The following DNAJC22 variants were observed in gnomAD, a reference collection of about 807,000 sequenced individuals.
DNAJC22 encodes dnaJ homolog subfamily C member 22.
Under a neutral mutation model 22.2 loss-of-function variants are expected in DNAJC22, and 24 were observed. That is an observed-to-expected ratio of 1.08 (90% CI 0.78 to 1.52). The LOEUF (loss-of-function observed/expected upper bound fraction) is 1.52, where lower values mean the gene tolerates loss of function less well. DNAJC22 is among the 40% of genes most tolerant of loss of function. The pLI is 0.00. For missense variants in DNAJC22, 434 were observed against 421.7 expected (o/e 1.03, Z -0.26); for synonymous variants, 160 against 167.4 (o/e 0.96, Z 0.34).
rs1034712366 is a variant in DNAJC22, at chr12:49,352,591, T to C, written c.*1089T>C. 3.9e-5 allele frequency: 6 copies of C among 152,124 alleles called. No homozygotes were observed. Among genetic ancestry groups the C allele is most frequent in the African/African-American group, 1.4e-4 (6 of 41,432 alleles). The allele number at this position is 152,124 out of a possible 1,614,324, so 9.4% of individuals were successfully genotyped here. Reference sequence around the variant, plus strand: ...ATGTATAAAGCACTATGTTAGGAGATTGAAGGAAAAATATGAAGGTTCTAG... The same window carrying C: ...ATGTATAAAGCACTATGTTAGGAGACTGAAGGAAAAATATGAAGGTTCTAG... On this transcript the variant is annotated 3_prime_UTR_variant, in exon 4 of 4. Transcript: ENST00000549441.
chr12:49,349,025 G>C lies in DNAJC22; in HGVS notation c.153G>C (p.Lys51Asn). 6.3e-7 allele frequency: 1 copy of C among 1,593,058 alleles called. No individual in the cohort carries two copies. Among genetic ancestry groups the C allele is most frequent in the Middle Eastern group, 1.7e-4 (1 of 5,910 alleles). ...TGGGCTGGCTCTGGGAGTTCTGGAA[G>C]CTCCCAAGCTTTGTAGCTCAGGCCA... ...GGLGWLWEFW[K>N]LPSFVAQANR... The change falls in exon 3 of 4, where the codon AAG (lysine) becomes AAC (asparagine). Residue 51 changes from lysine (K) to asparagine (N), a missense_variant. Transcript: ENST00000549441.
At chr12:49,351,018 TGCCAGGGATATGAAG>T (rs1943776933) in intron 3 of DNAJC22, 3 of 277,422 alleles carry the variant, frequency 1.1e-5, no homozygotes, top group African/African-American at 6.9e-5. Flanking sequence ...GAAGAGATCT[TGCCAGGGATATGAAG>T]TTCCAGGTTG....
Position 49,353,091 on chromosome 12 carries a change from A to G in DNAJC22, c.*1589A>G, listed in dbSNP as rs2137098383. 1 of 152,320 alleles carries G rather than the reference A, an allele frequency of 6.6e-6. No homozygotes were observed. Among genetic ancestry groups the G allele is most frequent in the East Asian group, 1.9e-4 (1 of 5,188 alleles). 9.4% of individuals were successfully genotyped at this position (152,320 alleles called of 1,614,324 possible). ...AAAGATTCATTATTTTATATGTCAT[A>G]TGTCCCTTTGGGGACTTTGGGAAAC... On this transcript the variant is annotated 3_prime_UTR_variant, in exon 4 of 4. Coordinates refer to ENST00000549441, the MANE Select transcript of DNAJC22 (RefSeq NM_001304944.2).
At chr12:49,351,213 C>A in intron 3 of DNAJC22, 104 bp from the exon 4 acceptor site, 1 of 1,562,216 alleles carries the variant, frequency 6.4e-7, no homozygotes, top group Admixed American at 2.0e-5. Flanking sequence ...AAGTAGAAGC[C>A]AATTCTAGAG....
intron 3 of DNAJC22, 45 bp downstream of exon 3, chr12:49,349,757 C>T: frequency 6.2e-7 from 1 of 1,611,012 alleles, no homozygotes. Flanking sequence ...TCTGGTGGCC[C>T]TCATGTGGAA....
Position 49,349,577 on chromosome 12 carries a change from C to T in DNAJC22, c.705C>T (p.Val235=), listed in dbSNP as rs140645278. ...FPLLGRLMEF[V]LLLPYRIWRL... ...TTCTTGGCCGCCTCATGGAGTTTGTCCTCCTTCTGCCTTACCGGATCTGGA... is the reference window on the plus strand; with the variant it reads ...TTCTTGGCCGCCTCATGGAGTTTGTTCTCCTTCTGCCTTACCGGATCTGGA... The change falls in exon 3 of 4, where the codon GTC becomes GTT. Residue 235 remains valine, a synonymous_variant. Transcript: ENST00000549441. 111 of 1,612,100 alleles carry T rather than the reference C, an allele frequency of 6.9e-5. No individual in the cohort carries two copies. The African/African-American group carries it at 1.4e-3, about 20-fold the overall frequency.
chr12:49,349,789 G>C, intron 3 of DNAJC22, 77 bp downstream of exon 3: 1 of 1,590,118 alleles, frequency 6.3e-7, no homozygotes, highest in Non-Finnish European at 8.5e-7. Flanking sequence ...TTGTCTGTTG[G>C]CCAGGTGCTG....
chr12:49,349,622 T>C lies in DNAJC22; in HGVS notation c.750T>C (p.Thr250=), dbSNP rs938289864. The C allele has an allele frequency of 6.2e-7, 1 of 1,614,106 alleles. No homozygotes were observed. The highest frequency in any genetic ancestry group is 1.3e-5 in the African/African-American group (1 of 74,932). ...YRIWRLLMGE[T]GFNSSCFQEW... is the part of the protein sequence containing the mutation. Reference sequence around the variant, plus strand: ...TCTGGAGGCTACTGATGGGGGAGACTGGCTTCAACAGCAGCTGCTTTCAGG... The same window carrying C: ...TCTGGAGGCTACTGATGGGGGAGACCGGCTTCAACAGCAGCTGCTTTCAGG... Residue 250 remains threonine, a synonymous_variant, in exon 3 of 4, where the codon ACT becomes ACC. Transcript: ENST00000549441.
rs148896963 is a variant in DNAJC22 at position 49,349,613 on chromosome 12, G to T, written c.741G>T (p.Met247Ile). The T allele has an allele frequency of 6.2e-7, 1 of 1,614,232 alleles. No homozygotes were observed. Among genetic ancestry groups the T allele is most frequent in the Non-Finnish European group, 8.5e-7 (1 of 1,180,036 alleles). The part of the protein sequence containing the change: ...LLPYRIWRLL[M>I]GETGFNSSCF... ...CTTACCGGATCTGGAGGCTACTGAT[G>T]GGGGAGACTGGCTTCAACAGCAGCT... Residue 247 changes from methionine to isoleucine, a missense_variant, in exon 3 of 4, where the codon ATG becomes ATT. Coordinates refer to ENST00000549441, the MANE Select transcript of DNAJC22 (RefSeq NM_001304944.2).
chr12:49,348,695 T>A (rs1943731248), intron 2 of DNAJC22, 71 bp from the exon 3 acceptor site: 1 of 822,976 alleles, frequency 1.2e-6, no homozygotes, highest in African/African-American at 1.8e-5. Flanking sequence ...CAACTTTTAT[T>A]GGAAAGAGAA....
At chr12:49,348,657 G>T (rs550072664) in intron 2 of DNAJC22, 109 bp from the exon 3 acceptor site, 89 of 473,874 alleles carry the variant, frequency 1.9e-4, no homozygotes, top group African/African-American at 1.7e-3. Flanking sequence ...GAGATAAATA[G>T]CACTGGGGAC....
Position 49,348,883 on chromosome 12 carries a change from G to A in DNAJC22, c.11G>A (p.Gly4Glu), listed in dbSNP as rs769206163. MAKGLLVTYALWAV... is the reference protein window; with the variant it reads MAKELLVTYALWAV... ...CCTTTGCCCTAGAGGATGGCCAAGG[G>A]GCTCCTGGTGACCTATGCCCTCTGG... The change falls in exon 3 of 4, where the codon GGG becomes GAG. Residue 4 changes from glycine (G) to glutamate (E), a missense_variant. Transcript: ENST00000549441. The A allele has an allele frequency of 1.3e-6, 2 of 1,498,530 alleles. No homozygotes were observed. Among genetic ancestry groups the A allele is most frequent in the African/African-American group, 1.4e-5 (1 of 71,188 alleles). The allele number at this position is 1,498,530 out of a possible 1,614,324, so 92.8% of individuals were successfully genotyped here. A position where few individuals can be genotyped will look rare whatever the true frequency, so the allele number is the denominator to read the frequency against.
Position 49,349,232 on chromosome 12 carries a change from G to C in DNAJC22, c.360G>C (p.Leu120=). The stretch of plus-strand genomic sequence containing the variant: ...TGGCAGTTGGCTTAGGGGTCTTGCT[G>C]GTGGCTGCTGTTGGCAACCAGACCT... The part of the protein sequence containing the change: ...LPLAVGLGVL[L]VAAVGNQTSD... The change falls in exon 3 of 4, where the codon CTG becomes CTC. Residue 120 remains leucine, a synonymous_variant. Transcript: ENST00000549441. The C allele has an allele frequency of 6.2e-7, 1 of 1,614,174 alleles. No individual in the cohort carries two copies. The highest frequency in any genetic ancestry group is 1.3e-5 in the African/African-American group (1 of 75,022).
Position 49,349,411 on chromosome 12 carries a change from T to C in DNAJC22, c.539T>C (p.Val180Ala). 6.2e-7 allele frequency: 1 copy of C among 1,612,194 alleles called. No individual in the cohort carries two copies. Among genetic ancestry groups the C allele is most frequent in the South Asian group, 1.1e-5 (1 of 90,818 alleles). Residue 180 changes from valine to alanine, a missense_variant, in exon 3 of 4, where the codon GTG (valine) becomes GCG (alanine). Transcript: ENST00000549441. ...TTGGTGGCATCAGAGCCGCTCAGTGTGCGGCTCTATCGTCTGGGCTTGGCT... is the reference window on the plus strand; with the variant it reads ...TTGGTGGCATCAGAGCCGCTCAGTGCGCGGCTCTATCGTCTGGGCTTGGCT... ...KALVASEPLS[V>A]RLYRLGLAYL... is the part of the protein sequence containing the mutation.
In DNAJC22 at chr12:49,353,540, G is replaced by A. The variant is rs1943805317; in HGVS notation, c.*2038G>A. On this transcript the variant is annotated 3_prime_UTR_variant, in exon 4 of 4. Transcript: ENST00000549441. ...GGGGTGCGCCTGTAGTCCCAGCTAA[G>A]GAGGCTGAGATTGGGAGGATCACTT... 6.6e-6 allele frequency: 1 copy of A among 152,156 alleles called. No individual in the cohort carries two copies. The highest frequency in any genetic ancestry group is 2.1e-4 in the South Asian group (1 of 4,828). 9.4% of individuals were successfully genotyped at this position (152,156 alleles called of 1,614,324 possible).
At chr12:49,348,664 G>A (rs952227235) in intron 2 of DNAJC22, 102 bp from the exon 3 acceptor site, 2 of 508,002 alleles carry the variant, frequency 3.9e-6, no homozygotes, top group Admixed American at 4.0e-5. Flanking sequence ...ATAGCACTGG[G>A]GACTCAGGCA....
intron 3 of DNAJC22, among the ~76,000 whole-genome samples, chr12:49,350,703 G>T (rs1029218521): frequency 6.1e-5 from 9 of 148,516 alleles, no homozygotes; most frequent in Admixed American, 6.0e-4. Context: ...TCTCCATGTT[G>T]GTCAGGCTGG....
At position 49,351,115 on chromosome 12, in the gene DNAJC22, A is replaced by G. The variant is rs577618225; in HGVS notation, c.841-202A>G. ...CTTGTCTATGTTTCAAAAGGCTGGA[A>G]TTCTTTTTTCTAAAATAATTTTTTT... On this transcript the variant is annotated intron_variant, in intron 3 of 3. Coordinates refer to ENST00000549441, the MANE Select transcript of DNAJC22 (RefSeq NM_001304944.2). The G allele has an allele frequency of 2.2e-4, 214 of 968,332 alleles. No individual in the cohort carries two copies. The African/African-American group carries it at 3.5e-3, about 16-fold the overall frequency. The allele number at this position is 968,332 out of a possible 1,614,324, so 60.0% of individuals were successfully genotyped here. A position where few individuals can be genotyped will look rare whatever the true frequency, so the allele number is the denominator to read the frequency against.
Position 49,353,362 on chromosome 12 carries a change from A to G in DNAJC22, c.*1860A>G, listed in dbSNP as rs1244137206. 2 of 152,180 alleles carry G rather than the reference A, an allele frequency of 1.3e-5. No individual in the cohort carries two copies. The highest frequency in any genetic ancestry group is 6.5e-5 in the Admixed American group (1 of 15,282). The allele number at this position is 152,180 out of a possible 1,614,324, so 9.4% of individuals were successfully genotyped here. On this transcript the variant is annotated 3_prime_UTR_variant, in exon 4 of 4. Coordinates refer to ENST00000549441, the MANE Select transcript of DNAJC22 (RefSeq NM_001304944.2). ...TAATATATATCATTTTTAAAGTGGAATTATGACCAGGCATGGTGCCTCTTG... is the reference window on the plus strand; with the variant it reads ...TAATATATATCATTTTTAAAGTGGAGTTATGACCAGGCATGGTGCCTCTTG...
Sources: gnomAD v4.1 joint callset for allele counts (sites outside exome capture counted in the v4.1 genomes callset) on GRCh38, gnomAD v4.1.1 for gene constraint, MANE v1.5 for transcripts, NCBI Gene and HGNC (gene_info 2026-07-23, HGNC 2026-07-21) for gene names.